The following SUSD4 variants were observed in gnomAD, a reference collection of about 807,000 sequenced individuals.
SUSD4 encodes the protein sushi domain-containing protein 4.
SUSD4 carries 41 observed loss-of-function variants against 50.5 expected under a neutral mutation model. The observed-to-expected ratio is 0.81, with a 90% confidence interval of 0.63 to 1.05. The LOEUF is 1.05. SUSD4 is among the 50% of genes least tolerant of loss of function. SUSD4 has a pLI of 0.00. For missense variants in SUSD4, 580 were observed against 634.7 expected (o/e 0.91, Z 0.93); for synonymous variants, 257 against 257.3 (o/e 1.00, Z 0.01).
chr1:223,286,173 T>C (rs1372755837), intron 3 of SUSD4, among the ~76,000 whole-genome samples: 4 of 152,118 alleles, frequency 2.6e-5, no homozygotes, highest in African/African-American at 9.7e-5. Flanking sequence ...TGGAGTGCAG[T>C]GGCGCAATCT....
chr1:223,288,049 C>CT (rs1450688781), intron 3 of SUSD4, among the ~76,000 whole-genome samples: 3 of 152,140 alleles, frequency 2.0e-5, no homozygotes, highest in African/African-American at 7.2e-5. Context: ...GAAGCTCCTG[C>CT]TAGAGGGATT....
At chr1:223,363,530 C>T in intron 1 of SUSD4, 70 bp from the exon 2 acceptor site, 1 of 1,351,526 alleles carries the variant, frequency 7.4e-7, no homozygotes. Flanking sequence ...CCCCCTCCTC[C>T]GCTCTGGGAC....
chr1:223,349,473 T>A lies in SUSD4; in HGVS notation c.148+13805A>T, dbSNP rs183053599. Among the ~76,000 whole-genome samples the A allele has an allele frequency of 3.7e-3, 562 of 152,274 alleles. 13 individuals are homozygous for A. Among genetic ancestry groups the A allele is most frequent in the Admixed American group, 0.035 (529 of 15,300 alleles). On this transcript the variant is annotated intron_variant, in intron 2 of 8. Coordinates refer to ENST00000366878, the MANE Select transcript of SUSD4 (RefSeq NM_017982.4). The stretch of plus-strand genomic sequence containing the variant: ...AGTAGTTTGATTAGATTAGAGCAAA[T>A]GTTATGGCCCTGTAATTTGGGAAAT...
intron 2 of SUSD4, among the ~76,000 whole-genome samples, chr1:223,327,146 C>G (rs1666921414): frequency 6.6e-6 from 1 of 152,194 alleles, no homozygotes; most frequent in Non-Finnish European, 1.5e-5. Flanking sequence ...GAATACTACT[C>G]TGCCATGTAA....
At chr1:223,286,452 T>C (rs1463218221) in intron 3 of SUSD4, among the ~76,000 whole-genome samples, 1 of 152,040 alleles carries the variant, frequency 6.6e-6, no homozygotes, top group East Asian at 1.9e-4. Flanking sequence ...GGTTTCGTCA[T>C]GTTGACCAGG....
chr1:223,279,268 T>C (rs1194941282), intron 3 of SUSD4, among the ~76,000 whole-genome samples: 1 of 152,162 alleles, frequency 6.6e-6, no homozygotes, highest in African/African-American at 2.4e-5. Flanking sequence ...ACGATCAAAC[T>C]TCTCCGAGCT....
chr1:223,292,483 G>A lies in SUSD4; in HGVS notation c.317C>T (p.Thr106Ile), dbSNP rs1664553976. The A allele has an allele frequency of 6.2e-7, 1 of 1,614,128 alleles. No individual in the cohort carries two copies. The highest frequency in any genetic ancestry group is 8.5e-7 in the Non-Finnish European group (1 of 1,180,020). The change falls in exon 3 of 9, where the codon ACC (threonine) becomes ATC (isoleucine). Residue 106 changes from threonine (T) to isoleucine (I), a missense_variant. Transcript: ENST00000366878. ...ATTATCACTTGGGATCCAGCCTAGG[G>A]TTCCATTAAAATGCTTCAAACACAG... ...KRLCLKHFNGTLGWIPSDNSI... is the reference protein window; with the variant it reads ...KRLCLKHFNGILGWIPSDNSI...
intron 2 of SUSD4, among the ~76,000 whole-genome samples, chr1:223,348,758 C>T (rs1312561729): frequency 5.3e-5 from 8 of 152,168 alleles, no homozygotes; most frequent in Non-Finnish European, 1.2e-4. Context: ...CCTGTATCAA[C>T]AGTTTAGGTA....
rs1488525220 is a variant in SUSD4 at position 223,229,308 on chromosome 1, C to A, written c.805G>T (p.Val269Leu). The change falls in exon 6 of 9, where the codon GTG becomes TTG. Residue 269 changes from valine (V) to leucine (L), a missense_variant. Val to Leu is a conservative substitution (Grantham distance 32, BLOSUM62 1). Coordinates refer to ENST00000366878, the MANE Select transcript of SUSD4 (RefSeq NM_017982.4). The surrounding 1 kb of genome is among the most constrained non-coding windows in gnomAD (Gnocchi z 4.7). The part of the protein sequence containing the change: ...RPCERYNHGT[V>L]VEFYCDPGYS... ...CCAGGATCGCAGTAAAACTCCACCA[C>A]AGTTCCGTGGTTGTAGCGCTCACAA... The A allele has an allele frequency of 6.2e-7, 1 of 1,613,104 alleles. No individual in the cohort carries two copies. The highest frequency in any genetic ancestry group is 8.5e-7 in the Non-Finnish European group (1 of 1,179,224).
At chr1:223,360,355 A>G (rs1324709158) in intron 2 of SUSD4, 1 of 407,552 alleles carries the variant, frequency 2.5e-6, no homozygotes, top group Admixed American at 3.1e-5. Flanking sequence ...TGCTCCATGC[A>G]GATTCCACAC....
intron 3 of SUSD4, among the ~76,000 whole-genome samples, chr1:223,278,734 G>A (rs973231471): frequency 5.3e-5 from 8 of 152,138 alleles, no homozygotes; most frequent in South Asian, 2.1e-4. Context: ...CTCCCAGCAC[G>A]GAGTTTGAGA....
intron 5 of SUSD4, among the ~76,000 whole-genome samples, chr1:223,261,143 C>T (rs1236727401): frequency 2.6e-5 from 4 of 152,098 alleles, no homozygotes; most frequent in African/African-American, 4.8e-5. Context: ...CATTGTGGGG[C>T]GGCAGCAGTA....
intron 2 of SUSD4, among the ~76,000 whole-genome samples, chr1:223,339,674 C>G (rs1275404916): frequency 2.0e-5 from 3 of 152,244 alleles, no homozygotes; most frequent in African/African-American, 7.2e-5. Context: ...CCTCCCAGAT[C>G]TACCTTCTCA....
Position 223,223,389 on chromosome 1 carries a change from C to A in SUSD4, c.1304G>T (p.Gly435Val). The change falls in exon 8 of 9, where the codon GGC becomes GTC. Residue 435 changes from glycine (G) to valine (V), a missense_variant. Physicochemically the swap from Gly to Val is moderately radical, Grantham distance 109. Coordinates refer to ENST00000366878, the MANE Select transcript of SUSD4 (RefSeq NM_017982.4). ...GESETCDSVS[G>V]SSELLQSLYS... ...CAGACTTTGGAGCAGCTCAGAAGAG[C>A]CTGAGACGCTGTCACAGGTTTCTGA... 1.2e-6 allele frequency: 2 copies of A among 1,613,836 alleles called. No individual in the cohort carries two copies. The highest frequency in any genetic ancestry group is 1.7e-6 in the Non-Finnish European group (2 of 1,179,854).
intron 2 of SUSD4, among the ~76,000 whole-genome samples, chr1:223,342,029 G>A (rs553832135): frequency 4.5e-4 from 68 of 152,266 alleles, no homozygotes; most frequent in African/African-American, 1.6e-3. Context: ...CAGCCCAGAC[G>A]AGTCTCCAAA....
chr1:223,289,849 G>A (rs755766258), intron 3 of SUSD4, among the ~76,000 whole-genome samples: 40 of 152,202 alleles, frequency 2.6e-4, no homozygotes, highest in Non-Finnish European at 4.7e-4. Flanking sequence ...GAGTGGGGCT[G>A]TTGTGACATA....
chr1:223,342,724 T>C (rs981529396), intron 2 of SUSD4, among the ~76,000 whole-genome samples: 3 of 152,344 alleles, frequency 2.0e-5, no homozygotes, highest in African/African-American at 4.8e-5. Context: ...ACAATATCCT[T>C]ACATTTCCCA....
At chr1:223,365,052 G>T (rs1669240109), upstream of SUSD4, among the ~76,000 whole-genome samples, 1 of 152,150 alleles carries the variant, frequency 6.6e-6, no homozygotes, top group African/African-American at 2.4e-5. Context: ...CCGGGGGCGG[G>T]GAGGCGGGGG....
intron 2 of SUSD4, among the ~76,000 whole-genome samples, chr1:223,317,758 C>T (rs1666289370): frequency 6.6e-6 from 1 of 150,836 alleles, no homozygotes; most frequent in African/African-American, 2.4e-5. Flanking sequence ...CTCATGAGGC[C>T]AGGAAGCCCA....
Sources: allele counts gnomAD v4.1 joint callset (sites outside exome capture counted in the v4.1 genomes callset), GRCh38; gene constraint gnomAD v4.1.1; non-coding constraint Gnocchi (gnomAD v3.1); transcripts MANE v1.5; gene names NCBI Gene and HGNC (gene_info 2026-07-23, HGNC 2026-07-21).